FLNB: variants seen among roughly 807,000 people sequenced by gnomAD.
The protein encoded by FLNB is filamin-B.
Under a neutral mutation model 250.6 loss-of-function variants are expected in FLNB, and 111 were observed. The ratio of observed to expected loss-of-function variants is 0.44; its 90% CI spans 0.38 to 0.52. The LOEUF is 0.52. FLNB is among the 20% of genes least tolerant of loss of function. The probability of loss-of-function intolerance (pLI) is 0.00; values close to 1 mark genes in which losing one functional copy is unlikely to be tolerated. For missense variants in FLNB, 2,869 were observed against 3,447.8 expected, an observed-to-expected ratio of 0.83 and a Z score of 4.20; for synonymous variants, 1,302 against 1,372.1, an observed-to-expected ratio of 0.95 and a Z score of 1.13.
intron 41 of FLNB, among the ~76,000 whole-genome samples, chr3:58,158,462 C>T (rs1179384244): frequency 6.6e-6 from 1 of 152,214 alleles, no homozygotes; most frequent in African/African-American, 2.4e-5. Context: ...TGGACCTCAG[C>T]ATCACCTGAG....
chr3:58,049,502 GGGCCAGCTTTCAGGCCT>G (rs1307391554), intron 1 of FLNB, among the ~76,000 whole-genome samples: 13 of 152,204 alleles, frequency 8.5e-5, no homozygotes, highest in Admixed American at 2.6e-4. Context: ...TCAGCTGGAA[GGGCCAGCTTTCAGGCCT>G]CAGGAAAAAG....
chr3:58,102,335 G>A lies in FLNB; in HGVS notation c.1478G>A (p.Gly493Asp). 6.2e-7 allele frequency: 1 copy of A among 1,612,582 alleles called. No individual in the cohort carries two copies. Among genetic ancestry groups the A allele is most frequent in the Non-Finnish European group, 8.5e-7 (1 of 1,179,492 alleles). The change falls in exon 9 of 46, where the codon GGT becomes GAT. Residue 493 changes from glycine (G) to aspartate (D), a missense_variant. By Grantham distance (94) the Gly-to-Asp change is moderately conservative. Transcript: ENST00000295956. ...GSGELGVTMKGPKGLEELVKQ... is the reference protein window; with the variant it reads ...GSGELGVTMKDPKGLEELVKQ... ...GGGGAGCTCGGTGTAACCATGAAGGGTCCTAGTAAGTGTTCCTTTGTTTCT... is the reference window on the plus strand; with the variant it reads ...GGGGAGCTCGGTGTAACCATGAAGGATCCTAGTAAGTGTTCCTTTGTTTCT...
chr3:58,136,884 T>C (rs1290431994), intron 28 of FLNB, among the ~76,000 whole-genome samples: 1 of 150,238 alleles, frequency 6.7e-6, no homozygotes, highest in African/African-American at 2.5e-5. Context: ...CATGCCCGGC[T>C]AAGTTTTGTA....
chr3:58,082,054 G>A (rs138582694), intron 4 of FLNB, among the ~76,000 whole-genome samples: 120 of 152,256 alleles, frequency 7.9e-4, no homozygotes, highest in African/African-American at 2.5e-3. Context: ...AAGAGGAATC[G>A]CGGGGTAGGG....
chr3:58,151,104 T>A (rs1559732145), intron 38 of FLNB: 1 of 151,926 alleles, frequency 6.6e-6, no homozygotes, highest in Non-Finnish European at 1.5e-5. Flanking sequence ...AAAAAGAGCT[T>A]TATTGGGCCG....
At chr3:58,094,455 G>T (rs2097234273) in intron 4 of FLNB, among the ~76,000 whole-genome samples, 1 of 152,210 alleles carries the variant, frequency 6.6e-6, no homozygotes, top group Non-Finnish European at 1.5e-5. Context: ...TTAAAAAAAT[G>T]ATTGAATATA....
At chr3:58,087,005 G>A (rs1317890284) in intron 4 of FLNB, among the ~76,000 whole-genome samples, 1 of 152,168 alleles carries the variant, frequency 6.6e-6, no homozygotes, top group Non-Finnish European at 1.5e-5. Flanking sequence ...CAGCTACTTG[G>A]GAGGCTGAGG....
intron 1 of FLNB, among the ~76,000 whole-genome samples, chr3:58,072,033 A>G (rs1355200454): frequency 6.6e-6 from 1 of 152,234 alleles, no homozygotes; most frequent in African/African-American, 2.4e-5. Flanking sequence ...CAGAAGTGAC[A>G]TGAAAACATT....
At chr3:58,010,719 T>C (rs986504440) in intron 1 of FLNB, among the ~76,000 whole-genome samples, 1 of 152,168 alleles carries the variant, frequency 6.6e-6, no homozygotes, top group Non-Finnish European at 1.5e-5. Context: ...AAATACGACA[T>C]GAAATCTCTA....
intron 43 of FLNB, among the ~76,000 whole-genome samples, chr3:58,167,484 G>C (rs2097372710): frequency 6.6e-6 from 1 of 152,260 alleles, no homozygotes; most frequent in African/African-American, 2.4e-5. Flanking sequence ...GCAGTGTCTA[G>C]GGCTCTGGCA....
In FLNB at chr3:58,118,926, T is replaced by C; in HGVS notation, c.2800T>C (p.Phe934Leu). Residue 934 changes from phenylalanine (F) to leucine (L), a missense_variant, in exon 19 of 46, where the codon TTC (phenylalanine) becomes CTC (leucine). Physicochemically the swap from Phe to Leu is conservative, Grantham distance 22. Transcript: ENST00000295956. ...YGGDPIPKSP[F>L]TVGVAAPLDL... ...TGGCGATCCCATCCCTAAAAGCCCT[T>C]TCACTGTGGGTGTTGCTGCACCGCT... The C allele has an allele frequency of 6.2e-7, 1 of 1,614,138 alleles. No homozygotes were observed. Among genetic ancestry groups the C allele is most frequent in the Non-Finnish European group, 8.5e-7 (1 of 1,180,016 alleles).
chr3:58,023,575 G>T (rs185916231), intron 1 of FLNB, among the ~76,000 whole-genome samples: 1 of 152,190 alleles, frequency 6.6e-6, no homozygotes, highest in Non-Finnish European at 1.5e-5. Flanking sequence ...AGGGAAGAAA[G>T]AGATTCCTTT....
rs758612867 is a variant in FLNB at position 58,142,774 on chromosome 3, C to T, written c.5284+22C>T. ...ACTGGTAAGCACTTGCCATAAAGGC[C>T]GTCTCATTCTCACTTGCTCTCACGA... On this transcript the variant is annotated intron_variant, in intron 31 of 45. Coordinates refer to ENST00000295956, the MANE Select transcript of FLNB (RefSeq NM_001457.4). The surrounding 1 kb of genome is among the most constrained non-coding windows in gnomAD (Gnocchi z 4.3). The T allele has an allele frequency of 1.7e-5, 27 of 1,594,356 alleles. No individual in the cohort carries two copies. The East Asian group carries it at 2.0e-4, about 12-fold the overall frequency.
intron 18 of FLNB, among the ~76,000 whole-genome samples, chr3:58,112,691 G>A (rs764931293): frequency 6.6e-6 from 1 of 152,046 alleles, no homozygotes; most frequent in Non-Finnish European, 1.5e-5. Flanking sequence ...ATTCCCTCGC[G>A]GCCTCACCAG....
At chr3:58,092,953 A>G (rs2097230697) in intron 4 of FLNB, among the ~76,000 whole-genome samples, 1 of 152,184 alleles carries the variant, frequency 6.6e-6, no homozygotes, top group Non-Finnish European at 1.5e-5. Context: ...TTCTGACACT[A>G]TCTACCTGAA....
chr3:58,112,258 T>C lies in FLNB; in HGVS notation c.2685T>C (p.Asp895=). ...NSPLPGDAVK[D]LDIIDNYDYS... ...CTCTTCCTGGCGATGCAGTGAAGGA[T>C]TTGGATATCATCGATAATTATGACT... Residue 895 remains aspartate, a synonymous_variant, in exon 18 of 46, where the codon GAT becomes GAC. Transcript: ENST00000295956. The C allele has an allele frequency of 6.2e-7, 1 of 1,614,032 alleles. No homozygotes were observed. Among genetic ancestry groups the C allele is most frequent in the Non-Finnish European group, 8.5e-7 (1 of 1,179,986 alleles).
intron 1 of FLNB, among the ~76,000 whole-genome samples, chr3:58,061,514 C>A (rs1010131778): frequency 4.0e-5 from 6 of 150,552 alleles, no homozygotes; most frequent in African/African-American, 1.5e-4. Flanking sequence ...ATTGCTTGAG[C>A]CCGGGAGTTT....
chr3:58,141,839 T>A lies in FLNB; in HGVS notation c.5110-19T>A, dbSNP rs1270553684. 1 of 1,612,344 alleles carries A rather than the reference T, an allele frequency of 6.2e-7. No homozygotes were observed. The highest frequency in any genetic ancestry group is 8.5e-7 in the Non-Finnish European group (1 of 1,178,532). ...CTTCCAGTATGGTTCCCAACTAATC[T>A]CCATTTGCCACTGACCAGGCCACAG... On this transcript the variant is annotated intron_variant, in intron 29 of 45. Transcript: ENST00000295956.
intron 1 of FLNB, among the ~76,000 whole-genome samples, chr3:58,027,293 C>T (rs1351050112): frequency 6.7e-6 from 1 of 150,252 alleles, no homozygotes; most frequent in Non-Finnish European, 1.5e-5. Context: ...GCTGGGATTA[C>T]AGGCGTGCAC....
Sources: allele counts gnomAD v4.1 joint callset (sites outside exome capture counted in the v4.1 genomes callset), GRCh38; gene constraint gnomAD v4.1.1; non-coding constraint Gnocchi (gnomAD v3.1); transcripts MANE v1.5; gene names NCBI Gene and HGNC (gene_info 2026-07-23, HGNC 2026-07-21).